CMC2: variants seen among roughly 807,000 people sequenced by gnomAD.
CMC2 encodes COX assembly mitochondrial protein 2 homolog.
A neutral mutation model predicts 7.5 loss-of-function variants in CMC2; 5 were observed. The observed-to-expected ratio is 0.66, with a 90% CI of 0.35 to 1.40. CMC2 has a LOEUF of 1.40. Ranked by LOEUF, CMC2 falls within the 40% of genes most tolerant of loss-of-function variation. The probability of loss-of-function intolerance (pLI) is 0.04; values close to 1 mark genes in which losing one functional copy is unlikely to be tolerated. For missense variants in CMC2, 115 were observed against 92.3 expected, an observed-to-expected ratio of 1.25 and a Z score of -1.01; for synonymous variants, 37 against 31.4, an observed-to-expected ratio of 1.18 and a Z score of -0.60.
chr16:80,980,898 GA>G (rs987111943), intron 3 of CMC2: 8 of 689,016 alleles, frequency 1.2e-5, no homozygotes, highest in Non-Finnish European at 1.8e-5. Flanking sequence ...AAAGAAAAAA[GA>G]AAAAAAGAAA....
chr16:80,981,565 C>T (rs991353010), intron 3 of CMC2, among the ~76,000 whole-genome samples: 3 of 152,166 alleles, frequency 2.0e-5, no homozygotes, highest in Admixed American at 1.3e-4. Flanking sequence ...AGATGACCTA[C>T]AGTAATCATC....
At chr16:80,991,738 T>C (rs1968011261) in intron 2 of CMC2, 1 of 322,196 alleles carries the variant, frequency 3.1e-6, no homozygotes. Flanking sequence ...GCAGCCTTGA[T>C]GAAAATGTAC....
chr16:80,991,812 A>G, intron 2 of CMC2: 1 of 386,618 alleles, frequency 2.6e-6, no homozygotes, highest in South Asian at 1.9e-5. Context: ...AAAACAAGAC[A>G]AATTCAAACA....
rs746710127 is a variant in CMC2, at chr16:80,997,340, TAATC to T, written c.51_54del (p.Ile18ThrfsTer13). 62 of 1,606,950 alleles carry T rather than the reference TAATC, an allele frequency of 3.9e-5. No individual in the cohort carries two copies. Among genetic ancestry groups the T allele is most frequent in the Non-Finnish European group, 4.3e-5 (51 of 1,173,664 alleles). On this transcript the variant is annotated frameshift_variant, in exon 2 of 4. Transcript: ENST00000219400. LOFTEE classifies it high-confidence loss of function. ...TTTTTGTGACATTCCTTAAGCAAGT[TAATC>T]AAGACGTTGCATTCTTCAGTGTGCA... is the stretch of plus-strand genomic sequence containing the variant.
At chr16:81,001,355 A>G (rs986555836) in intron 1 of CMC2, 2 of 152,254 alleles carry the variant, frequency 1.3e-5, no homozygotes, top group Non-Finnish European at 2.9e-5. Context: ...ATTTGAAATT[A>G]TATATTTTTT....
intron 1 of CMC2, among the ~76,000 whole-genome samples, chr16:81,005,891 T>C (rs1008159885): frequency 4.6e-5 from 7 of 152,320 alleles, no homozygotes; most frequent in African/African-American, 1.7e-4. Context: ...CCAATGCACA[T>C]GGTAAATGCC....
chr16:80,980,127 C>T (rs1967010109), intron 3 of CMC2, among the ~76,000 whole-genome samples: 2 of 151,514 alleles, frequency 1.3e-5, no homozygotes, highest in South Asian at 2.1e-4. Flanking sequence ...ACTATGTTGC[C>T]CAAGTTGGCC....
At position 80,970,345 on chromosome 16, in the gene CMC2, G is replaced by A. The variant is rs1257068219; in HGVS notation, c.*5748C>T. The A allele has an allele frequency of 2.0e-5, 3 of 152,162 alleles. No individual in the cohort carries two copies. Among genetic ancestry groups the A allele is most frequent in the Non-Finnish European group, 1.5e-5 (1 of 68,034 alleles). The allele number at this position is 152,162 out of a possible 1,614,324, so 9.4% of individuals were successfully genotyped here. A position where few individuals can be genotyped will look rare whatever the true frequency, so the allele number is the denominator to read the frequency against. On this transcript the variant is annotated 3_prime_UTR_variant, in exon 4 of 4. Transcript: ENST00000219400. Reference sequence around the variant, plus strand: ...GAATCCTAACTGTAAAGGAATTGGAGAAAATGCAGTATTTAGCTTTTGAGT... The same window carrying A: ...GAATCCTAACTGTAAAGGAATTGGAAAAAATGCAGTATTTAGCTTTTGAGT...
intron 1 of CMC2, among the ~76,000 whole-genome samples, chr16:80,999,719 G>C (rs564485804): frequency 8.3e-4 from 127 of 152,224 alleles, no homozygotes; most frequent in African/African-American, 2.9e-3. Context: ...CACACACATG[G>C]ACCAATGGAA....
intron 1 of CMC2, among the ~76,000 whole-genome samples, chr16:81,005,184 T>G (rs1394408875): frequency 2.6e-5 from 4 of 152,186 alleles, no homozygotes; most frequent in Non-Finnish European, 5.9e-5. Flanking sequence ...ATCCCACCAC[T>G]TCGGGAGGCC....
intron 1 of CMC2, among the ~76,000 whole-genome samples, chr16:81,005,647 C>A (rs980752145): frequency 6.6e-6 from 1 of 152,076 alleles, no homozygotes; most frequent in African/African-American, 2.4e-5. Context: ...CTGTAGACCC[C>A]ATGCCAGGCT....
At chr16:81,002,159 T>C (rs1968914290) in intron 1 of CMC2, among the ~76,000 whole-genome samples, 1 of 152,220 alleles carries the variant, frequency 6.6e-6, no homozygotes, top group South Asian at 2.1e-4. Flanking sequence ...ATGCGGTGGC[T>C]CACACCTGTA....
intron 1 of CMC2, among the ~76,000 whole-genome samples, chr16:81,005,685 C>T (rs1391299476): frequency 1.3e-5 from 2 of 152,092 alleles, no homozygotes; most frequent in African/African-American, 4.8e-5. Flanking sequence ...GGGGGTGCTG[C>T]CTAGGGAGAA....
intron 3 of CMC2, chr16:80,980,798 G>C (rs548751827): frequency 2.9e-6 from 2 of 699,512 alleles, no homozygotes; most frequent in Non-Finnish European, 5.2e-6. Context: ...AGGAGGCTGA[G>C]GTGGGAGGAT....
At chr16:80,986,152 A>C (rs1967514709) in intron 2 of CMC2, among the ~76,000 whole-genome samples, 1 of 152,198 alleles carries the variant, frequency 6.6e-6, no homozygotes, top group Non-Finnish European at 1.5e-5. Flanking sequence ...GTTTGAGGCC[A>C]GCCTGGGCTA....
intron 2 of CMC2, chr16:80,983,981 CA>C (rs201661396): frequency 1.2e-3 from 134 of 116,344 alleles, no homozygotes; most frequent in Non-Finnish European, 1.6e-3. Flanking sequence ...AACTCCATCT[CA>C]AAAAAAAAAA....
rs140221897 is a variant in CMC2 at position 81,005,213 on chromosome 16, G to A, written c.-36+1521C>T. Among the ~76,000 whole-genome samples the A allele has an allele frequency of 1.4e-3, 206 of 152,306 alleles. 1 individual carries two copies. Among genetic ancestry groups the A allele is most frequent in the African/African-American group, 4.8e-3 (199 of 41,578 alleles). On this transcript the variant is annotated intron_variant, in intron 1 of 3. Coordinates refer to ENST00000219400, the MANE Select transcript of CMC2 (RefSeq NM_020188.5). ...GGAGGCCGAGGCAGGCAGATCACTT[G>A]AGGTCAGGACAAGCCTGGCCAACAT...
chr16:80,993,073 C>T (rs890247575), intron 2 of CMC2, among the ~76,000 whole-genome samples: 18 of 152,146 alleles, frequency 1.2e-4, no homozygotes, highest in Non-Finnish European at 4.4e-5. Flanking sequence ...TAGATGTCTG[C>T]CCCATTAGTT....
Position 80,969,020 on chromosome 16 carries a change from C to T in CMC2, c.*7073G>A, listed in dbSNP as rs1911739708. 6.6e-6 allele frequency: 1 copy of T among 152,164 alleles called. No individual in the cohort carries two copies. Among genetic ancestry groups the T allele is most frequent in the African/African-American group, 2.4e-5 (1 of 41,438 alleles). The allele number at this position is 152,164 out of a possible 1,614,324, so 9.4% of individuals were successfully genotyped here. Reference sequence around the variant, plus strand: ...CAGCATAGGGAGGTAAGAGTAAGGCCAGTGTGACTCACCTTGGGCTCTGAG... The same window carrying T: ...CAGCATAGGGAGGTAAGAGTAAGGCTAGTGTGACTCACCTTGGGCTCTGAG... On this transcript the variant is annotated 3_prime_UTR_variant, in exon 4 of 4. Coordinates refer to ENST00000219400, the MANE Select transcript of CMC2 (RefSeq NM_020188.5).
Sources: allele counts gnomAD v4.1 joint callset (sites outside exome capture counted in the v4.1 genomes callset), GRCh38; gene constraint gnomAD v4.1.1; transcripts MANE v1.5; gene names NCBI Gene and HGNC (gene_info 2026-07-23, HGNC 2026-07-21).